The following PEX14 variants were observed in gnomAD, a reference collection of about 807,000 sequenced individuals.
PEX14 encodes the protein peroxisomal membrane protein PEX14.
Under a neutral mutation model 49.5 loss-of-function variants are expected in PEX14, and 15 were observed. The observed-to-expected ratio is 0.30, with a 90% CI of 0.20 to 0.47. PEX14 has a LOEUF of 0.47. Ranked by LOEUF, PEX14 falls within the 20% of genes least tolerant of loss-of-function variation. PEX14 has a pLI of 1.00. For missense variants in PEX14, 398 were observed against 494.8 expected, an observed-to-expected ratio of 0.80 and a Z score of 1.86; for synonymous variants, 210 against 212.7, an observed-to-expected ratio of 0.99 and a Z score of 0.11.
chr1:10,615,929 G>A (rs1641401909), intron 4 of PEX14, among the ~76,000 whole-genome samples: 2 of 152,208 alleles, frequency 1.3e-5, no homozygotes, highest in Admixed American at 1.3e-4. Flanking sequence ...TTCACAGACT[G>A]CCCTGTGCTA....
intron 3 of PEX14, among the ~76,000 whole-genome samples, chr1:10,545,319 CAT>C (rs929909963): frequency 6.6e-6 from 1 of 152,030 alleles, no homozygotes; most frequent in Non-Finnish European, 1.5e-5. Flanking sequence ...TTTGTAGGGA[CAT>C]ATAATTTCTT....
At chr1:10,509,501 C>G (rs992789527) in intron 2 of PEX14, among the ~76,000 whole-genome samples, 2 of 152,076 alleles carry the variant, frequency 1.3e-5, no homozygotes, top group African/African-American at 2.4e-5. Flanking sequence ...GAAATAACTT[C>G]AGTTCCAGTG....
At chr1:10,503,281 C>CAAAAAAAAAAAAAA (rs59342388) in intron 2 of PEX14, among the ~76,000 whole-genome samples, 1 of 75,482 alleles carries the variant, frequency 1.3e-5, no homozygotes, top group African/African-American at 5.8e-5. Flanking sequence ...GACTCTGTCT[C>CAAAAAAAAAAAAAA]AAAAAAAAAA....
chr1:10,565,099 T>TC (rs1339044837), intron 3 of PEX14, among the ~76,000 whole-genome samples: 1 of 152,140 alleles, frequency 6.6e-6, no homozygotes, highest in Admixed American at 6.5e-5. Context: ...AGACGAGGTT[T>TC]CACCACATTG....
intron 3 of PEX14, among the ~76,000 whole-genome samples, chr1:10,552,086 C>T (rs1057356126): frequency 6.6e-6 from 1 of 151,824 alleles, no homozygotes; most frequent in East Asian, 1.9e-4. Flanking sequence ...GAACAAGACT[C>T]TGTCTCAAAA....
At chr1:10,543,683 T>C (rs997188616) in intron 3 of PEX14, among the ~76,000 whole-genome samples, 2 of 152,276 alleles carry the variant, frequency 1.3e-5, no homozygotes, top group East Asian at 1.9e-4. Flanking sequence ...CATAGCTCAC[T>C]GAAGCCTTGA....
intron 1 of PEX14, among the ~76,000 whole-genome samples, chr1:10,487,587 C>T (rs1300569359): frequency 2.8e-5 from 4 of 142,166 alleles, no homozygotes; most frequent in African/African-American, 7.8e-5. Context: ...CAGGTTCAAG[C>T]GATTCTCCTG....
intron 3 of PEX14, among the ~76,000 whole-genome samples, chr1:10,540,151 G>A (rs1638959052): frequency 1.3e-5 from 2 of 152,152 alleles, no homozygotes; most frequent in African/African-American, 4.8e-5. Context: ...TACTGTTCCT[G>A]GAAGTAGAAA....
At chr1:10,523,631 A>AGT (rs1638370606) in intron 2 of PEX14, among the ~76,000 whole-genome samples, 1 of 145,846 alleles carries the variant, frequency 6.9e-6, no homozygotes, top group Non-Finnish European at 1.5e-5. Context: ...TGTAAGGTAA[A>AGT]AAAAAAAAAA....
chr1:10,604,041 T>A (rs905947778), intron 4 of PEX14, among the ~76,000 whole-genome samples: 11 of 152,288 alleles, frequency 7.2e-5, no homozygotes, highest in African/African-American at 2.6e-4. Context: ...TGAGCAAGCA[T>A]TGTTATTGAA....
At chr1:10,499,735 A>G (rs947451760) in intron 2 of PEX14, among the ~76,000 whole-genome samples, 17 of 152,226 alleles carry the variant, frequency 1.1e-4, no homozygotes, top group African/African-American at 3.4e-4. Flanking sequence ...GTGTGAGCCA[A>G]CGTGCCTGGC....
intron 3 of PEX14, among the ~76,000 whole-genome samples, chr1:10,558,208 A>C (rs935394753): frequency 6.6e-6 from 1 of 152,018 alleles, no homozygotes; most frequent in Non-Finnish European, 1.5e-5. Flanking sequence ...GGGTTTCTTC[A>C]TGTTGGTCAG....
chr1:10,496,789 C>T (rs1051885787), intron 2 of PEX14, among the ~76,000 whole-genome samples: 1 of 151,644 alleles, frequency 6.6e-6, no homozygotes, highest in Non-Finnish European at 1.5e-5. Flanking sequence ...TCTTTCTTTT[C>T]TGGGAGGCCC....
At chr1:10,574,842 G>C (rs1480937966) in intron 3 of PEX14, among the ~76,000 whole-genome samples, 1 of 152,172 alleles carries the variant, frequency 6.6e-6, no homozygotes. Context: ...CGGGTGTGGT[G>C]GCTCACACTA....
chr1:10,509,944 T>G (rs1641854446), intron 2 of PEX14, among the ~76,000 whole-genome samples: 1 of 152,226 alleles, frequency 6.6e-6, no homozygotes, highest in African/African-American at 2.4e-5. Flanking sequence ...TCTCTCCTGC[T>G]TCCCTTTGTC....
At position 10,629,768 on chromosome 1, in the gene PEX14, C is replaced by A; in HGVS notation, c.915C>A (p.Val305=). The A allele has an allele frequency of 6.3e-7, 1 of 1,584,792 alleles. No individual in the cohort carries two copies. Among genetic ancestry groups the A allele is most frequent in the Non-Finnish European group, 8.6e-7 (1 of 1,164,040 alleles). The stretch of plus-strand genomic sequence containing the variant: ...AGGAAGGCGAGGGGGTGGTGGACGT[C>A]AAGGGCCAGGTGCGGATGGAGGTGC... ...PQEEGEGVVD[V]KGQVRMEVQG... is the part of the protein sequence containing the mutation. The change falls in exon 9 of 9, where the codon GTC becomes GTA. Residue 305 remains valine (V), a synonymous_variant. Coordinates refer to ENST00000356607, the MANE Select transcript of PEX14 (RefSeq NM_004565.3). The surrounding 1 kb of genome is among the most constrained non-coding windows in gnomAD (Gnocchi z 8.5).
chr1:10,509,401 C>CATT (rs1305073718), intron 2 of PEX14, among the ~76,000 whole-genome samples: 1 of 152,218 alleles, frequency 6.6e-6, no homozygotes, highest in Non-Finnish European at 1.5e-5. Context: ...AAATGATTCT[C>CATT]ATTATTATTA....
chr1:10,540,821 A>G (rs913297437), intron 3 of PEX14, among the ~76,000 whole-genome samples: 6 of 151,728 alleles, frequency 4.0e-5, no homozygotes, highest in Non-Finnish European at 7.4e-5. Context: ...ATCCTCAGAA[A>G]CTCCTGCGGC....
At chr1:10,566,992 T>C (rs962346549) in intron 3 of PEX14, among the ~76,000 whole-genome samples, 6 of 152,210 alleles carry the variant, frequency 3.9e-5, no homozygotes, top group South Asian at 2.1e-4. Context: ...GTAAATACTT[T>C]AAGGTTTTGC....
Sources: allele counts gnomAD v4.1 joint callset (sites outside exome capture counted in the v4.1 genomes callset), GRCh38; gene constraint gnomAD v4.1.1; non-coding constraint Gnocchi (gnomAD v3.1); transcripts MANE v1.5; gene names NCBI Gene and HGNC (gene_info 2026-07-23, HGNC 2026-07-21).